The following CACHD1 variants were observed in gnomAD, a reference collection of about 807,000 sequenced individuals.
The protein encoded by CACHD1 is cache domain containing 1, also known as VWFA and cache domain-containing protein 1.
A neutral mutation model predicts 138.7 loss-of-function variants in CACHD1; 71 were observed. The ratio of observed to expected loss-of-function variants is 0.51; its 90% CI spans 0.42 to 0.62. CACHD1 has a LOEUF of 0.62. CACHD1 is among the 20% of genes least tolerant of loss of function. CACHD1 has a pLI of 0.00. For missense variants in CACHD1, 1,389 were observed against 1,625.3 expected (o/e 0.85, Z 2.50); for synonymous variants, 578 against 591.5 (o/e 0.98, Z 0.33).
At position 64,497,078 on chromosome 1, in the gene CACHD1, C is replaced by G. The variant is rs564237481; in HGVS notation, c.198+26136C>G. Reference sequence around the variant, plus strand: ...GTTTACTTTTTCTTCAAAAAAATGCCGAGGAATTAGCCCATTGGCTACTGA... The same window carrying G: ...GTTTACTTTTTCTTCAAAAAAATGCGGAGGAATTAGCCCATTGGCTACTGA... On this transcript the variant is annotated intron_variant, in intron 1 of 26. Coordinates refer to ENST00000651257, the MANE Select transcript of CACHD1 (RefSeq NM_020925.4). Among the ~76,000 whole-genome samples, 5 of 151,598 alleles carry G rather than the reference C, an allele frequency of 3.3e-5. No homozygotes were observed. The East Asian group carries it at 7.8e-4, about 24-fold the overall frequency.
intron 1 of CACHD1, among the ~76,000 whole-genome samples, chr1:64,498,782 A>T (rs1008465563): frequency 1.4e-4 from 21 of 152,220 alleles, no homozygotes; most frequent in African/African-American, 5.1e-4. Flanking sequence ...TCTGTCTCCT[A>T]TTCTTGAGTA....
At chr1:64,557,377 A>G (rs1646806637) in intron 2 of CACHD1, among the ~76,000 whole-genome samples, 1 of 152,172 alleles carries the variant, frequency 6.6e-6, no homozygotes, top group Non-Finnish European at 1.5e-5. Flanking sequence ...AATTATTTAT[A>G]TTAATAATTT....
rs376522938 is a variant in CACHD1, at chr1:64,566,360, T to C, written c.261+15704T>C. Among the ~76,000 whole-genome samples, 7 of 152,134 alleles carry C rather than the reference T, an allele frequency of 4.6e-5. No homozygotes were observed. The East Asian group carries it at 5.8e-4, about 13-fold the overall frequency. On this transcript the variant is annotated intron_variant, in intron 2 of 26. Coordinates refer to ENST00000651257, the MANE Select transcript of CACHD1 (RefSeq NM_020925.4). ...TCAAAAACAACTCTTCCAGATTTAC[T>C]GACAAGAAAAATTATGCACAAAGAA...
intron 1 of CACHD1, among the ~76,000 whole-genome samples, chr1:64,478,218 G>T (rs953534500): frequency 3.3e-5 from 5 of 152,176 alleles, no homozygotes; most frequent in Non-Finnish European, 5.9e-5. Context: ...CAGCCTTCCA[G>T]TTGTAATGCC....
chr1:64,521,919 C>A (rs931254485), intron 1 of CACHD1, among the ~76,000 whole-genome samples: 1 of 152,132 alleles, frequency 6.6e-6, no homozygotes, highest in Non-Finnish European at 1.5e-5. Flanking sequence ...TATGGGTCAT[C>A]TTTTTAATTT....
intron 23 of CACHD1, among the ~76,000 whole-genome samples, chr1:64,679,002 A>G (rs1373113020): frequency 1.3e-5 from 2 of 152,150 alleles, no homozygotes; most frequent in Middle Eastern, 6.3e-3. Context: ...CAGCCTGTCT[A>G]GAAGAAAAGC....
intron 4 of CACHD1, among the ~76,000 whole-genome samples, chr1:64,624,470 G>C (rs572080390): frequency 6.6e-6 from 1 of 152,288 alleles, no homozygotes; most frequent in East Asian, 1.9e-4. Flanking sequence ...TTATTAAGGG[G>C]TTGGCAGGGC....
intron 1 of CACHD1, among the ~76,000 whole-genome samples, chr1:64,515,354 C>G (rs1003779603): frequency 6.6e-6 from 1 of 152,124 alleles, no homozygotes; most frequent in African/African-American, 2.4e-5. Context: ...AATACAAACC[C>G]TACTACTTTG....
chr1:64,590,322 C>CAAA (rs67217249), intron 3 of CACHD1, among the ~76,000 whole-genome samples: 565 of 86,174 alleles, frequency 6.6e-3, no homozygotes, highest in Non-Finnish European at 0.011. Flanking sequence ...GACTCTGTCT[C>CAAA]AAAAAAAAAA....
At chr1:64,649,029 T>C (rs1308812509) in intron 9 of CACHD1, among the ~76,000 whole-genome samples, 2 of 152,150 alleles carry the variant, frequency 1.3e-5, no homozygotes, top group Admixed American at 1.3e-4. Flanking sequence ...ACAGACACCA[T>C]TGCCATTTGA....
intron 4 of CACHD1, among the ~76,000 whole-genome samples, chr1:64,616,612 T>C (rs1283045532): frequency 6.6e-6 from 1 of 152,210 alleles, no homozygotes; most frequent in East Asian, 1.9e-4. Flanking sequence ...TAAGCCAGAT[T>C]TTAATGGATC....
intron 1 of CACHD1, among the ~76,000 whole-genome samples, chr1:64,494,148 T>C (rs1484780612): frequency 6.6e-6 from 1 of 152,142 alleles, no homozygotes; most frequent in Non-Finnish European, 1.5e-5. Context: ...GACTTTGCAT[T>C]TGCAATGAGG....
chr1:64,602,335 G>C (rs1257126573), intron 3 of CACHD1, among the ~76,000 whole-genome samples: 1 of 152,098 alleles, frequency 6.6e-6, no homozygotes, highest in African/African-American at 2.4e-5. Context: ...ACAGAGCAGG[G>C]TTTCACATCT....
At chr1:64,593,625 A>G (rs1310124233) in intron 3 of CACHD1, among the ~76,000 whole-genome samples, 1 of 152,192 alleles carries the variant, frequency 6.6e-6, no homozygotes, top group Admixed American at 6.5e-5. Flanking sequence ...GGCAAGTCTT[A>G]GTCTTTCAAG....
intron 2 of CACHD1, among the ~76,000 whole-genome samples, chr1:64,574,928 A>G (rs973607070): frequency 4.6e-5 from 7 of 152,220 alleles, no homozygotes; most frequent in African/African-American, 1.7e-4. Context: ...ACCTTGTGCC[A>G]GATTTCCCAT....
rs1646133866 is a variant in CACHD1 at position 64,470,248 on chromosome 1, G to T, written c.-497G>T. ...TGTGAAGCCTCCCCTTTCCCTCCTC[G>T]CTCGGGTGGCTGCCCCAGTCTCGCA... On this transcript the variant is annotated 5_prime_UTR_variant, in exon 1 of 27. Coordinates refer to ENST00000651257, the MANE Select transcript of CACHD1 (RefSeq NM_020925.4). This position sits in a 1 kb window ranked among gnomAD's most constrained non-coding sequence, Gnocchi z 5.2. Among the ~76,000 whole-genome samples, 1 of 151,878 alleles carries T rather than the reference G, an allele frequency of 6.6e-6. No individual in the cohort carries two copies. Among genetic ancestry groups the T allele is most frequent in the African/African-American group, 2.4e-5 (1 of 41,370 alleles).
At chr1:64,681,552 T>TG (rs756120060) in intron 25 of CACHD1, among the ~76,000 whole-genome samples, 4 of 94,656 alleles carry the variant, frequency 4.2e-5, no homozygotes, top group African/African-American at 1.6e-4. Flanking sequence ...TTTTTTTTTT[T>TG]TTTTTTTTTT....
chr1:64,483,449 C>T (rs1181374694), intron 1 of CACHD1, among the ~76,000 whole-genome samples: 4 of 152,004 alleles, frequency 2.6e-5, no homozygotes, highest in African/African-American at 9.7e-5. Context: ...AATATGCAGC[C>T]TGCTAGGGGA....
At chr1:64,634,995 CAAAAAA>C (rs71056059) in intron 7 of CACHD1, among the ~76,000 whole-genome samples, 7 of 63,874 alleles carry the variant, frequency 1.1e-4, no homozygotes, top group East Asian at 5.5e-4. Flanking sequence ...GACTCTGTCT[CAAAAAA>C]AAAAAAAAAA....
Sources: allele counts gnomAD v4.1 joint callset (sites outside exome capture counted in the v4.1 genomes callset), GRCh38; gene constraint gnomAD v4.1.1; non-coding constraint Gnocchi (gnomAD v3.1); transcripts MANE v1.5; gene names NCBI Gene and HGNC (gene_info 2026-07-23, HGNC 2026-07-21).